The following ADCK1 variants were observed in gnomAD, a reference collection of about 807,000 sequenced individuals.
ADCK1 encodes the protein aarF domain-containing protein kinase 1.
In ADCK1, 41 loss-of-function variants were observed where a neutral mutation model predicts 52.3. That is an observed-to-expected ratio of 0.78 (90% CI 0.61 to 1.02). ADCK1 has a LOEUF of 1.02. ADCK1 is among the 50% of genes least tolerant of loss of function. The pLI is 0.00. For missense variants in ADCK1, 658 were observed against 679.5 expected (o/e 0.97, Z 0.35); for synonymous variants, 250 against 274.6 (o/e 0.91, Z 0.89).
chr14:77,830,683 C>A (rs544407847), intron 3 of ADCK1, among the ~76,000 whole-genome samples: 71 of 151,860 alleles, frequency 4.7e-4, no homozygotes, highest in African/African-American at 1.6e-3. Flanking sequence ...AGTGTGTGAA[C>A]CTGCATGTTT....
At chr14:77,872,864 C>T (rs369345880) in intron 4 of ADCK1, among the ~76,000 whole-genome samples, 10 of 152,146 alleles carry the variant, frequency 6.6e-5, no homozygotes, top group African/African-American at 7.2e-5. Context: ...TTAGTAGAGA[C>T]GGGATTTTGT....
Position 77,933,181 on chromosome 14 carries a change from C to T in ADCK1, c.1401-39C>T, listed in dbSNP as rs570902610. 6 of 1,602,204 alleles carry T rather than the reference C, an allele frequency of 3.7e-6. No individual in the cohort carries two copies. In the African/African-American group the frequency reaches 8.0e-5, roughly 21 times the overall value. On this transcript the variant is annotated intron_variant, in intron 10 of 10. Transcript: ENST00000238561. ...GATACAGAGCTAGTGTTTCTTGCCT[C>T]TTTATCTCTTTTCTCCTTTTTTCTT...
intron 4 of ADCK1, among the ~76,000 whole-genome samples, chr14:77,860,390 A>G (rs1376425940): frequency 1.3e-5 from 2 of 152,234 alleles, no homozygotes; most frequent in Non-Finnish European, 2.9e-5. Flanking sequence ...AGAGTAGGGC[A>G]GAGGTTTGAT....
intron 6 of ADCK1, chr14:77,900,665 C>T (rs569616973): frequency 5.6e-5 from 25 of 448,468 alleles, no homozygotes; most frequent in Admixed American, 1.9e-4. Context: ...CGACTCGCAG[C>T]GATGTCGAGG....
chr14:77,933,513 G>T lies in ADCK1; in HGVS notation c.*122G>T. On this transcript the variant is annotated 3_prime_UTR_variant, in exon 11 of 11. Coordinates refer to ENST00000238561, the MANE Select transcript of ADCK1 (RefSeq NM_020421.4). ...CCGCAGCCCCAGAGTCACTGTCCAT[G>T]TCACCATCCTTCTCCTCCTTTGGAA... 8.1e-7 allele frequency: 1 copy of T among 1,237,892 alleles called. No individual in the cohort carries two copies. The highest frequency in any genetic ancestry group is 1.2e-6 in the Non-Finnish European group (1 of 865,444). 76.7% of individuals were successfully genotyped at this position (1,237,892 alleles called of 1,614,324 possible).
chr14:77,918,056 TGC>T (rs1459127137), intron 7 of ADCK1, among the ~76,000 whole-genome samples: 1 of 152,172 alleles, frequency 6.6e-6, no homozygotes, highest in Non-Finnish European at 1.5e-5. Flanking sequence ...TGGCAGTGAG[TGC>T]TGAATCTGTT....
chr14:77,907,798 C>T lies in ADCK1; in HGVS notation c.742-5C>T. On this transcript the variant is annotated splice_polypyrimidine_tract_variant and splice_region_variant and intron_variant, in intron 6 of 10. Coordinates refer to ENST00000238561, the MANE Select transcript of ADCK1 (RefSeq NM_020421.4). ...GACCATCTGACCTGTCCCTTCCTAT[C>T]CCAGGTCCCCCGAATCCACTGGGAC... The T allele has an allele frequency of 6.2e-7, 1 of 1,610,302 alleles. No homozygotes were observed. The highest frequency in any genetic ancestry group is 1.3e-5 in the African/African-American group (1 of 74,978).
In ADCK1 at chr14:77,925,923, A is replaced by C. The variant is rs750099020; in HGVS notation, c.1168A>C (p.Asn390His). 5.0e-6 allele frequency: 8 copies of C among 1,614,080 alleles called. No homozygotes were observed. The South Asian group carries it at 8.8e-5, about 18-fold the overall frequency. The change falls in exon 9 of 11, where the codon AAC becomes CAC. Residue 390 changes from asparagine to histidine, a missense_variant. Transcript: ENST00000238561. The part of the protein sequence containing the change: ...MLTARSWDSV[N>H]RGISQAPVTA... ...GACGGCGCGATCGTGGGACTCGGTC[A>C]ACAGAGGCATCAGCCAAGCTCCCGT...
intron 1 of ADCK1, among the ~76,000 whole-genome samples, chr14:77,801,531 T>C (rs898744181): frequency 3.3e-5 from 5 of 152,246 alleles, no homozygotes; most frequent in African/African-American, 1.2e-4. Flanking sequence ...CATTCTTTGC[T>C]TGGCCATTTC....
chr14:77,908,538 T>G (rs905793140), intron 7 of ADCK1, among the ~76,000 whole-genome samples: 2 of 152,152 alleles, frequency 1.3e-5, no homozygotes, highest in Non-Finnish European at 2.9e-5. Flanking sequence ...CATTTTTATG[T>G]TTTTAGAGAT....
intron 2 of ADCK1, among the ~76,000 whole-genome samples, 199 bp downstream of exon 2, chr14:77,819,312 A>G (rs1157652662): frequency 6.6e-6 from 1 of 152,216 alleles, no homozygotes; most frequent in Non-Finnish European, 1.5e-5. Flanking sequence ...ACACAACCTC[A>G]TATTCCTTTA....
chr14:77,905,125 T>A (rs188749754), intron 6 of ADCK1, among the ~76,000 whole-genome samples: 50 of 152,134 alleles, frequency 3.3e-4, no homozygotes, highest in Non-Finnish European at 5.9e-4. Context: ...GATATTTTAG[T>A]CATTTCAGAT....
At chr14:77,914,689 T>C (rs1195641562) in intron 7 of ADCK1, among the ~76,000 whole-genome samples, 1 of 152,262 alleles carries the variant, frequency 6.6e-6, no homozygotes, top group Non-Finnish European at 1.5e-5. Flanking sequence ...TTTTCTCATC[T>C]ATGCAGTTGG....
chr14:77,874,422 C>T (rs547917520), intron 4 of ADCK1, among the ~76,000 whole-genome samples: 2 of 152,140 alleles, frequency 1.3e-5, no homozygotes, highest in African/African-American at 4.8e-5. Flanking sequence ...TCAGTGTGGT[C>T]AAGAGGAGAA....
chr14:77,903,958 T>A (rs143440525), intron 6 of ADCK1, among the ~76,000 whole-genome samples: 181 of 152,282 alleles, frequency 1.2e-3, no homozygotes, highest in African/African-American at 4.0e-3. Flanking sequence ...ATCACCCCCA[T>A]ATCATCAGTT....
intron 4 of ADCK1, among the ~76,000 whole-genome samples, chr14:77,878,892 C>T (rs2082957016): frequency 6.6e-6 from 1 of 151,104 alleles, no homozygotes; most frequent in Admixed American, 6.7e-5. Context: ...AGAAGGTTTG[C>T]TTAAACTGGG....
intron 1 of ADCK1, among the ~76,000 whole-genome samples, chr14:77,813,165 G>A (rs2081370747): frequency 6.6e-6 from 1 of 151,650 alleles, no homozygotes; most frequent in Non-Finnish European, 1.5e-5. Context: ...ACCATGCCTG[G>A]CTAATTTTGT....
chr14:77,865,678 C>T (rs1355109323), intron 4 of ADCK1, among the ~76,000 whole-genome samples: 2 of 152,164 alleles, frequency 1.3e-5, no homozygotes, highest in Non-Finnish European at 2.9e-5. Context: ...CGAGCCTTGG[C>T]GGTAGACAGG....
chr14:77,852,905 ATATTTTTTTTTT>A (rs1370953221), intron 3 of ADCK1, among the ~76,000 whole-genome samples: 5 of 28,438 alleles, frequency 1.8e-4, no homozygotes, highest in Middle Eastern at 0.022. Flanking sequence ...ATATATATAT[ATATTTTTTTTTT>A]TTTTTTTTTT....
Sources: gnomAD v4.1 joint callset for allele counts (sites outside exome capture counted in the v4.1 genomes callset) on GRCh38, gnomAD v4.1.1 for gene constraint, MANE v1.5 for transcripts, NCBI Gene and HGNC (gene_info 2026-07-23, HGNC 2026-07-21) for gene names.